Variants in PRKG1 observed in about 807,000 individuals in gnomAD.
The protein encoded by PRKG1 is protein kinase cGMP-dependent 1, also known as cGMP-dependent protein kinase 1.
PRKG1 carries 35 observed loss-of-function variants against 88.1 expected under a neutral mutation model. The ratio of observed to expected loss-of-function variants is 0.40; its 90% CI spans 0.30 to 0.53. The LOEUF is 0.53. PRKG1 is among the 20% of genes least tolerant of loss of function. PRKG1 has a pLI of 0.59. For synonymous variants in PRKG1, 303 were observed against 292.5 expected (o/e 1.04, Z -0.37); for missense variants, 540 against 839.8 (o/e 0.64, Z 4.41).
At chr10:51,538,982 A>T (rs1335874118) in intron 3 of PRKG1, among the ~76,000 whole-genome samples, 2 of 152,132 alleles carry the variant, frequency 1.3e-5, no homozygotes, top group African/African-American at 2.4e-5. Flanking sequence ...ATTTACACAT[A>T]TAAATGGAAG....
chr10:51,178,235 TCATA>T (rs1406377694), intron 2 of PRKG1, among the ~76,000 whole-genome samples: 2 of 151,842 alleles, frequency 1.3e-5, no homozygotes, highest in Admixed American at 1.3e-4. Context: ...ATGCACATTA[TCATA>T]CATATGTATT....
chr10:52,120,856 A>G (rs1207887743), intron 7 of PRKG1, among the ~76,000 whole-genome samples: 4 of 152,000 alleles, frequency 2.6e-5, no homozygotes, highest in African/African-American at 9.7e-5. Flanking sequence ...TGGCTCCACT[A>G]GGCATTGCCC....
chr10:51,378,765 T>C (rs1382442289), intron 2 of PRKG1, among the ~76,000 whole-genome samples: 1 of 151,698 alleles, frequency 6.6e-6, no homozygotes, highest in African/African-American at 2.4e-5. Context: ...AATTTTCTCA[T>C]CTGAAAAAAA....
chr10:51,820,195 G>A (rs1839705866), intron 4 of PRKG1, among the ~76,000 whole-genome samples: 1 of 151,990 alleles, frequency 6.6e-6, no homozygotes, highest in Non-Finnish European at 1.5e-5. Flanking sequence ...CTGTTTATGT[G>A]CAACTTTTAA....
chr10:52,292,889 T>C (rs967922880), intron 17 of PRKG1, among the ~76,000 whole-genome samples: 4 of 152,006 alleles, frequency 2.6e-5, no homozygotes, highest in Non-Finnish European at 5.9e-5. Flanking sequence ...CTATTCAACA[T>C]AGTGTTGGAA....
chr10:51,771,283 A>G (rs957450199), intron 3 of PRKG1, among the ~76,000 whole-genome samples: 1 of 152,230 alleles, frequency 6.6e-6, no homozygotes, highest in Non-Finnish European at 1.5e-5. Context: ...TGTTGACTAA[A>G]AGATCATATG....
At chr10:51,085,948 A>G (rs1230764432) in intron 1 of PRKG1, among the ~76,000 whole-genome samples, 2 of 152,328 alleles carry the variant, frequency 1.3e-5, no homozygotes, top group East Asian at 1.9e-4. Flanking sequence ...CTCTTCTTCA[A>G]AATTTTACTT....
intron 3 of PRKG1, among the ~76,000 whole-genome samples, chr10:51,773,979 C>T (rs1041439707): frequency 3.3e-5 from 5 of 152,058 alleles, no homozygotes; most frequent in Admixed American, 3.3e-4. Context: ...CAACAAAGTA[C>T]AGTCAAGTAG....
chr10:51,684,675 C>G lies in PRKG1; in HGVS notation c.593-119910C>G, dbSNP rs367666070. Among the ~76,000 whole-genome samples, 160 of 151,972 alleles carry G rather than the reference C, an allele frequency of 1.1e-3. 1 individual carries two copies. In the South Asian group the frequency reaches 0.032, roughly 31 times the overall value. Reference sequence around the variant, plus strand: ...TTTGAGCTAAGGAGTTCGAGACCACCCAGGTCATGGCAAAACCCTGTCTCC... The same window carrying G: ...TTTGAGCTAAGGAGTTCGAGACCACGCAGGTCATGGCAAAACCCTGTCTCC... On this transcript the variant is annotated intron_variant, in intron 3 of 17. Coordinates refer to ENST00000373980, the MANE Select transcript of PRKG1 (RefSeq NM_006258.4).
intron 5 of PRKG1, among the ~76,000 whole-genome samples, chr10:51,946,894 C>A (rs2133043231): frequency 6.6e-6 from 1 of 152,200 alleles, no homozygotes; most frequent in South Asian, 2.1e-4. Context: ...CCCAGTTAGG[C>A]TGCTCAGGGG....
At position 51,260,443 on chromosome 10, in the gene PRKG1, A is replaced by T. The variant is rs577128933; in HGVS notation, c.478+107113A>T. Among the ~76,000 whole-genome samples, 475 of 152,172 alleles carry T rather than the reference A, an allele frequency of 3.1e-3. 5 individuals are homozygous for T. The South Asian group carries it at 0.035, about 11-fold the overall frequency. On this transcript the variant is annotated intron_variant, in intron 2 of 17. Transcript: ENST00000373980. ...ATGTTGTGCTACAATTTAAAAAAAA[A>T]TTTTTTATTCTTTTGGGTAATACCA...
intron 2 of PRKG1, among the ~76,000 whole-genome samples, chr10:51,463,006 C>T (rs1202238875): frequency 6.6e-6 from 1 of 152,036 alleles, no homozygotes; most frequent in Non-Finnish European, 1.5e-5. Flanking sequence ...TAGTAACAGA[C>T]CTAATAGCCT....
At chr10:51,602,690 G>T (rs1838638829) in intron 3 of PRKG1, among the ~76,000 whole-genome samples, 1 of 150,944 alleles carries the variant, frequency 6.6e-6, no homozygotes, top group Admixed American at 6.6e-5. Context: ...GCTAGGATTG[G>T]AGACATGAGC....
intron 7 of PRKG1, among the ~76,000 whole-genome samples, chr10:52,133,585 G>T (rs986362012): frequency 1.3e-5 from 2 of 152,024 alleles, no homozygotes; most frequent in Admixed American, 1.3e-4. Flanking sequence ...TATCAAATTT[G>T]TTCTACTTGG....
intron 1 of PRKG1, among the ~76,000 whole-genome samples, chr10:51,026,786 G>A (rs1171814893): frequency 6.6e-6 from 1 of 152,184 alleles, no homozygotes; most frequent in African/African-American, 2.4e-5. Context: ...GGAAAAGGCA[G>A]AGAACTAAGA....
intron 8 of PRKG1, among the ~76,000 whole-genome samples, chr10:52,155,464 A>G (rs1172134159): frequency 2.0e-5 from 3 of 152,050 alleles, no homozygotes; most frequent in Admixed American, 2.0e-4. Context: ...TTCATATTGG[A>G]TATTTCTATG....
chr10:52,230,373 T>C (rs919375396), intron 9 of PRKG1, among the ~76,000 whole-genome samples: 4 of 152,226 alleles, frequency 2.6e-5, no homozygotes, highest in African/African-American at 9.6e-5. Flanking sequence ...TGAAAAATAA[T>C]GATCATCTTT....
intron 1 of PRKG1, among the ~76,000 whole-genome samples, chr10:50,997,397 G>T (rs1349346196): frequency 6.6e-6 from 1 of 152,032 alleles, no homozygotes; most frequent in African/African-American, 2.4e-5. Flanking sequence ...TGTATTCACT[G>T]GAAATTTGAC....
intron 2 of PRKG1, among the ~76,000 whole-genome samples, chr10:51,312,033 G>A (rs1232638121): frequency 2.0e-5 from 3 of 151,902 alleles, no homozygotes; most frequent in South Asian, 2.1e-4. Context: ...CACCACACCC[G>A]GCTAATTTTG....
Sources: allele counts gnomAD v4.1 joint callset (sites outside exome capture counted in the v4.1 genomes callset), GRCh38; gene constraint gnomAD v4.1.1; transcripts MANE v1.5; gene names NCBI Gene and HGNC (gene_info 2026-07-23, HGNC 2026-07-21).